The following SLC14A2 variants were observed in gnomAD, a reference collection of about 807,000 sequenced individuals.
The protein encoded by SLC14A2 is solute carrier family 14 member 2.
In SLC14A2, 91 loss-of-function variants were observed where a neutral mutation model predicts 104.6. The ratio of observed to expected loss-of-function variants is 0.87; its 90% confidence interval spans 0.73 to 1.04. The LOEUF (loss-of-function observed/expected upper bound fraction) is 1.04, where lower values mean the gene tolerates loss of function less well. SLC14A2 is among the 50% of genes least tolerant of loss of function. SLC14A2 has a pLI of 0.00. For synonymous variants in SLC14A2, 476 were observed against 466.4 expected, an observed-to-expected ratio of 1.02 and a Z score of -0.27; for missense variants, 1,189 against 1,156.0, an observed-to-expected ratio of 1.03 and a Z score of -0.41.
intron 1 of SLC14A2, among the ~76,000 whole-genome samples, chr18:45,323,685 C>T (rs1393177545): frequency 6.6e-6 from 1 of 152,120 alleles, no homozygotes; most frequent in Non-Finnish European, 1.5e-5. Context: ...TCTGGGGAGA[C>T]CAGGGATGTC....
chr18:45,664,211 G>A (rs2045977350), intron 11 of SLC14A2, among the ~76,000 whole-genome samples: 2 of 152,184 alleles, frequency 1.3e-5, no homozygotes, highest in Admixed American at 1.3e-4. Context: ...CAGCCTGGGT[G>A]GGCATCAGGA....
intron 1 of SLC14A2, among the ~76,000 whole-genome samples, chr18:45,481,573 T>G (rs952579931): frequency 5.3e-5 from 8 of 152,194 alleles, no homozygotes; most frequent in African/African-American, 1.7e-4. Flanking sequence ...TTGGAAATGG[T>G]GGTGGTATCT....
At chr18:45,505,427 G>A (rs1217740664) in intron 2 of SLC14A2, among the ~76,000 whole-genome samples, 3 of 152,166 alleles carry the variant, frequency 2.0e-5, no homozygotes, top group Non-Finnish European at 2.9e-5. Flanking sequence ...GAGGGAAGAC[G>A]GAGTGGGTGA....
At chr18:45,556,933 A>G (rs1234759622) in intron 2 of SLC14A2, among the ~76,000 whole-genome samples, 1 of 152,196 alleles carries the variant, frequency 6.6e-6, no homozygotes, top group Non-Finnish European at 1.5e-5. Context: ...TACACCCACC[A>G]AAAGAAGGCA....
At chr18:45,615,624 C>T (rs1419430090) in intron 1 of SLC14A2, 42 bp downstream of exon 1, 9 of 149,152 alleles carry the variant, frequency 6.0e-5, no homozygotes, top group African/African-American at 2.5e-5. Context: ...TCTAATAAAT[C>T]ACCCACTCTC....
intron 1 of SLC14A2, among the ~76,000 whole-genome samples, chr18:45,224,111 G>C (rs1021057295): frequency 6.6e-6 from 1 of 152,208 alleles, no homozygotes; most frequent in African/African-American, 2.4e-5. Context: ...GCGGTAAAGA[G>C]ACTCTTTGAA....
chr18:45,432,588 A>G (rs1265504341), intron 1 of SLC14A2, among the ~76,000 whole-genome samples: 2 of 152,124 alleles, frequency 1.3e-5, no homozygotes, highest in Admixed American at 6.6e-5. Flanking sequence ...GAAGTCACCA[A>G]CTGCAATTTC....
intron 1 of SLC14A2, among the ~76,000 whole-genome samples, chr18:45,316,930 C>A (rs978777298): frequency 3.3e-5 from 5 of 152,190 alleles, no homozygotes; most frequent in African/African-American, 1.2e-4. Context: ...ACTCCATAGG[C>A]CCTGCAGTAA....
intron 10 of SLC14A2, among the ~76,000 whole-genome samples, chr18:45,648,576 T>C (rs1373261727): frequency 6.6e-6 from 1 of 152,174 alleles, no homozygotes; most frequent in Non-Finnish European, 1.5e-5. Context: ...CTTTCTGATA[T>C]TTTCTTATCC....
intron 2 of SLC14A2, among the ~76,000 whole-genome samples, chr18:45,537,484 G>C (rs2043811860): frequency 6.6e-6 from 1 of 152,182 alleles, no homozygotes; most frequent in Admixed American, 6.5e-5. Flanking sequence ...GCCCTAAAGT[G>C]GCAGTGTGCT....
chr18:45,530,370 T>C (rs1380531126), intron 2 of SLC14A2, among the ~76,000 whole-genome samples: 1 of 152,242 alleles, frequency 6.6e-6, no homozygotes, highest in Non-Finnish European at 1.5e-5. Context: ...AACTCATTAT[T>C]AAATAAGACA....
intron 1 of SLC14A2, among the ~76,000 whole-genome samples, chr18:45,372,215 G>C (rs2085730156): frequency 6.6e-6 from 1 of 152,070 alleles, no homozygotes; most frequent in South Asian, 2.1e-4. Context: ...GGGAGCCTGA[G>C]GCAGGAGAAT....
chr18:45,617,344 C>T (rs2045089871), intron 1 of SLC14A2, among the ~76,000 whole-genome samples: 1 of 152,050 alleles, frequency 6.6e-6, no homozygotes, highest in African/African-American at 2.4e-5. Flanking sequence ...AAAGATAAAG[C>T]CCCTGGCCCA....
chr18:45,652,880 T>C (rs2045764538), intron 10 of SLC14A2, among the ~76,000 whole-genome samples: 1 of 152,130 alleles, frequency 6.6e-6, no homozygotes, highest in South Asian at 2.1e-4. Flanking sequence ...CACAGTTCCA[T>C]TTGGCTAATG....
chr18:45,425,063 G>T (rs938789824), intron 1 of SLC14A2, among the ~76,000 whole-genome samples: 2 of 152,156 alleles, frequency 1.3e-5, no homozygotes, highest in African/African-American at 4.8e-5. Context: ...TAATGGCAAA[G>T]CTAACTTTTA....
At chr18:45,597,233 A>G (rs761128697) in intron 2 of SLC14A2, among the ~76,000 whole-genome samples, 12 of 152,172 alleles carry the variant, frequency 7.9e-5, no homozygotes, top group Non-Finnish European at 1.5e-4. Flanking sequence ...AAGCTGAGGC[A>G]GGAGAATTGC....
intron 1 of SLC14A2, among the ~76,000 whole-genome samples, chr18:45,343,063 A>AT (rs2085412027): frequency 6.6e-6 from 1 of 151,760 alleles, no homozygotes; most frequent in South Asian, 2.1e-4. Context: ...AGAAAACTGG[A>AT]TAGAGGAACC....
intron 1 of SLC14A2, among the ~76,000 whole-genome samples, chr18:45,360,130 G>T (rs1471560359): frequency 2.8e-4 from 42 of 152,152 alleles, no homozygotes; most frequent in Admixed American, 2.7e-3. Flanking sequence ...CCTCTGATTG[G>T]TTTTTTATTT....
chr18:45,467,573 G>C (rs922527095), intron 1 of SLC14A2, among the ~76,000 whole-genome samples: 4 of 152,154 alleles, frequency 2.6e-5, no homozygotes, highest in African/African-American at 4.8e-5. Context: ...CTGTACTCAG[G>C]CTGGGTTACC....
Sources: allele counts gnomAD v4.1 joint callset (sites outside exome capture counted in the v4.1 genomes callset), GRCh38; gene constraint gnomAD v4.1.1; transcripts MANE v1.5; gene names NCBI Gene and HGNC (gene_info 2026-07-23, HGNC 2026-07-21).